Variants in SEMA6A observed in about 807,000 individuals in gnomAD.
The protein encoded by SEMA6A is semaphorin-6A.
Under a neutral mutation model 96.8 loss-of-function variants are expected in SEMA6A, and 25 were observed. The observed-to-expected ratio is 0.26, with a 90% CI of 0.19 to 0.36. SEMA6A has a LOEUF of 0.36. SEMA6A is among the 10% of genes least tolerant of loss of function. SEMA6A has a pLI of 1.00. For synonymous variants in SEMA6A, 612 were observed against 518.0 expected (o/e 1.18, Z -2.46); for missense variants, 1,363 against 1,323.1 (o/e 1.03, Z -0.47).
intron 3 of SEMA6A, among the ~76,000 whole-genome samples, chr5:116,498,225 A>G (rs1757697669): frequency 1.3e-5 from 2 of 152,296 alleles, no homozygotes; most frequent in South Asian, 4.1e-4. Flanking sequence ...AAAGCAAAAC[A>G]GCTCATTTTC....
At chr5:116,555,707 G>A (rs1760581288) in intron 1 of SEMA6A, among the ~76,000 whole-genome samples, 1 of 151,954 alleles carries the variant, frequency 6.6e-6, no homozygotes, top group Non-Finnish European at 1.5e-5. Flanking sequence ...TCCAGGCTCG[G>A]TGTGCACCTG....
rs1041485788 is a variant in SEMA6A at position 116,491,979 on chromosome 5, G to A, written c.445-149C>T. ...TTGAAGCCACTTTTAAACTGTAGTT[G>A]AGAATCACATAAAATAGCTGTGTTA... On this transcript the variant is annotated intron_variant, in intron 6 of 18. Transcript: ENST00000343348. 58 of 639,284 alleles carry A rather than the reference G, an allele frequency of 9.1e-5. 1 individual carries two copies. Among genetic ancestry groups the A allele is most frequent in the Middle Eastern group, 8.1e-4 (2 of 2,480 alleles). 39.6% of individuals were successfully genotyped at this position (639,284 alleles called of 1,614,324 possible). A position where few individuals can be genotyped will look rare whatever the true frequency, so the allele number is the denominator to read the frequency against.
At chr5:116,528,512 G>A (rs1057228059) in intron 1 of SEMA6A, among the ~76,000 whole-genome samples, 2 of 152,116 alleles carry the variant, frequency 1.3e-5, no homozygotes, top group African/African-American at 2.4e-5. Flanking sequence ...CTGACTAGGC[G>A]CTCAAATATC....
intron 17 of SEMA6A, among the ~76,000 whole-genome samples, chr5:116,470,477 T>A (rs926425043): frequency 3.9e-5 from 6 of 152,196 alleles, no homozygotes; most frequent in African/African-American, 1.2e-4. Flanking sequence ...TTAACGTTAA[T>A]GCATCATATT....
At chr5:116,461,848 T>C (rs1755424773) in intron 18 of SEMA6A, among the ~76,000 whole-genome samples, 1 of 152,206 alleles carries the variant, frequency 6.6e-6, no homozygotes, top group African/African-American at 2.4e-5. Context: ...GAACTACGTC[T>C]ATCTCTAATA....
chr5:116,570,192 A>G (rs1305131020), intron 1 of SEMA6A, among the ~76,000 whole-genome samples: 3 of 152,160 alleles, frequency 2.0e-5, no homozygotes, highest in East Asian at 3.8e-4. Flanking sequence ...TCCTTTCTCT[A>G]TCTTACCATA....
At chr5:116,500,352 A>G (rs1038416323) in intron 3 of SEMA6A, among the ~76,000 whole-genome samples, 8 of 152,124 alleles carry the variant, frequency 5.3e-5, no homozygotes, top group African/African-American at 1.9e-4. Context: ...CATTTCACCT[A>G]TCTGTCCCTT....
At chr5:116,501,215 A>G (rs1006504169) in intron 3 of SEMA6A, among the ~76,000 whole-genome samples, 14 of 152,196 alleles carry the variant, frequency 9.2e-5, no homozygotes, top group Admixed American at 3.9e-4. Flanking sequence ...ATCAAATACA[A>G]CATCTCATTT....
chr5:116,487,095 C>CA (rs59861509), intron 9 of SEMA6A, 129 bp from the exon 10 acceptor site: 20,868 of 425,336 alleles, frequency 0.049, 8 homozygotes, highest in Non-Finnish European at 0.057. Flanking sequence ...AAATCAGTAA[C>CA]AAAAAAAAAA....
chr5:116,502,104 C>G lies in SEMA6A; in HGVS notation c.218+106G>C, dbSNP rs185130628. 8.9e-5 allele frequency: 71 copies of G among 797,250 alleles called. No homozygotes were observed. In the Admixed American group the frequency reaches 1.2e-3, roughly 13 times the overall value. The allele number at this position is 797,250 out of a possible 1,614,324, so 49.4% of individuals were successfully genotyped here. A position where few individuals can be genotyped will look rare whatever the true frequency, so the allele number is the denominator to read the frequency against. On this transcript the variant is annotated intron_variant, in intron 3 of 18. Transcript: ENST00000343348. ...AAAGGAGGCTTTAAGTTAAATAACA[C>G]TCTATTTAGAAACCTCAAGATCTTA...
chr5:116,491,400 C>A (rs1260080416), intron 7 of SEMA6A, among the ~76,000 whole-genome samples: 1 of 146,754 alleles, frequency 6.8e-6, no homozygotes, highest in Admixed American at 7.0e-5. Context: ...AATAAAGGCA[C>A]ATCAGTAGGG....
chr5:116,513,103 G>A (rs1022573588), intron 1 of SEMA6A, among the ~76,000 whole-genome samples: 1 of 152,018 alleles, frequency 6.6e-6, no homozygotes, highest in African/African-American at 2.4e-5. Flanking sequence ...GGGTAAATGG[G>A]GCTATCCATT....
At chr5:116,462,639 G>A (rs560496705) in intron 18 of SEMA6A, among the ~76,000 whole-genome samples, 3 of 152,284 alleles carry the variant, frequency 2.0e-5, no homozygotes, top group Admixed American at 6.5e-5. Flanking sequence ...GAAGGGCACT[G>A]GATTGTATAA....
intron 18 of SEMA6A, among the ~76,000 whole-genome samples, chr5:116,467,247 G>A (rs1255147336): frequency 6.6e-6 from 1 of 152,086 alleles, no homozygotes; most frequent in African/African-American, 2.4e-5. Context: ...CATTATGGTG[G>A]GAAAAGACGG....
intron 18 of SEMA6A, among the ~76,000 whole-genome samples, chr5:116,458,299 T>TA (rs1390516915): frequency 7.2e-5 from 11 of 152,164 alleles, no homozygotes; most frequent in African/African-American, 2.7e-4. Flanking sequence ...GATGTTCTGT[T>TA]AATAAGATCA....
intron 1 of SEMA6A, among the ~76,000 whole-genome samples, chr5:116,512,173 G>C (rs1371792877): frequency 2.0e-5 from 3 of 152,120 alleles, no homozygotes; most frequent in African/African-American, 7.2e-5. Flanking sequence ...TGCAGAGCTG[G>C]GTCAAAGAAC....
intron 1 of SEMA6A, among the ~76,000 whole-genome samples, chr5:116,559,107 A>G (rs1760712361): frequency 6.6e-6 from 1 of 152,176 alleles, no homozygotes; most frequent in Admixed American, 6.5e-5. Flanking sequence ...TCTTCCTCCT[A>G]TTAGCCACCT....
intron 1 of SEMA6A, among the ~76,000 whole-genome samples, chr5:116,552,919 G>A (rs1020261252): frequency 3.9e-5 from 6 of 152,120 alleles, no homozygotes; most frequent in Admixed American, 6.5e-5. Flanking sequence ...TAATGATGGC[G>A]ATCCTGTCTC....
chr5:116,525,729 A>G (rs1759193059), intron 1 of SEMA6A, among the ~76,000 whole-genome samples: 1 of 152,188 alleles, frequency 6.6e-6, no homozygotes. Context: ...GTGCCAATGT[A>G]AAAAGGAGGA....
Sources: allele counts gnomAD v4.1 joint callset (sites outside exome capture counted in the v4.1 genomes callset), GRCh38; gene constraint gnomAD v4.1.1; transcripts MANE v1.5; gene names NCBI Gene and HGNC (gene_info 2026-07-23, HGNC 2026-07-21).